The following FMR1 variants were observed in gnomAD, a reference collection of about 807,000 sequenced individuals.
FMR1 encodes the protein fragile X messenger ribonucleoprotein 1, also known as FMRP translational regulator 1.
A neutral mutation model predicts 50.6 loss-of-function variants in FMR1; 13 were observed. The observed-to-expected ratio is 0.26, with a 90% CI of 0.17 to 0.41. The LOEUF (loss-of-function observed/expected upper bound fraction) is 0.41, where lower values mean the gene tolerates loss of function less well. Among genes scored for constraint, FMR1 ranks in the 10% least tolerant of loss-of-function variants. The probability of loss-of-function intolerance (pLI) is 1.00; values close to 1 mark genes in which losing one functional copy is unlikely to be tolerated. For missense variants in FMR1, 316 were observed against 491.3 expected (o/e 0.64, Z 3.37); for synonymous variants, 138 against 164.1 (o/e 0.84, Z 1.22).
intron 2 of FMR1, among the ~76,000 whole-genome samples, chrX:147,924,517 T>TC (rs1569545454): frequency 1.1e-5 from 1 of 93,054 alleles, no homozygotes; most frequent in African/African-American, 4.1e-5. Flanking sequence ...ATATATATAT[T>TC]TTTTTTTTTT....
At chrX:147,939,013 C>G (rs891650331) in intron 12 of FMR1, among the ~76,000 whole-genome samples, 1 of 111,847 alleles carries the variant, frequency 8.9e-6, no homozygotes, top group African/African-American at 3.3e-5. Context: ...TAATTTGCTC[C>G]GAAGTCAATC....
intron 7 of FMR1, among the ~76,000 whole-genome samples, chrX:147,931,504 G>C (rs2043606529): frequency 8.9e-6 from 1 of 111,897 alleles, no homozygotes; most frequent in Non-Finnish European, 1.9e-5. Flanking sequence ...TGAGAAACTA[G>C]TATGCATGCC....
chrX:147,920,908 G>GCATT (rs2043129965), intron 1 of FMR1, among the ~76,000 whole-genome samples: 1 of 112,014 alleles, frequency 8.9e-6, no homozygotes, highest in African/African-American at 3.2e-5. Context: ...AAGTAGTTTA[G>GCATT]CATTGTTGGG....
chrX:147,918,092 G>A (rs1175590801), intron 1 of FMR1, among the ~76,000 whole-genome samples: 2 of 111,381 alleles, frequency 1.8e-5, no homozygotes, highest in Non-Finnish European at 3.8e-5. Context: ...AGTTTTCCAA[G>A]GTGGTGATAG....
intron 1 of FMR1, 123 bp from the exon 2 acceptor site, chrX:147,921,810 C>A: frequency 2.1e-6 from 1 of 485,245 alleles, no homozygotes. Flanking sequence ...CAAAAACTGA[C>A]CTTCATTTGA....
chrX:147,921,474 T>TATATATAGATAGATAG, intron 1 of FMR1, among the ~76,000 whole-genome samples: 1 of 109,792 alleles, frequency 9.1e-6, no homozygotes, highest in South Asian at 3.9e-4. Context: ...TATATATATA[T>TATATATAGATAGATAG]ATAGATAGAT....
rs782412079 is a variant in FMR1, at chrX:147,921,461, GTATA to G, written c.52-459_52-456del. Among the ~76,000 whole-genome samples the G allele has an allele frequency of 8.6e-4, 93 of 107,525 alleles. 1 individual carries two copies. Among genetic ancestry groups the G allele is most frequent in the Non-Finnish European group, 1.2e-3 (63 of 51,986 alleles). 93.4% of individuals were successfully genotyped at this position (107,525 alleles called of 115,157 possible). A position where few individuals can be genotyped will look rare whatever the true frequency, so the allele number is the denominator to read the frequency against. On this transcript the variant is annotated intron_variant, in intron 1 of 16. Transcript: ENST00000370475. ...GAAAGTTTAGTATATTTGTGTGTGC[GTATA>G]TATATATATATAGATAGATAGATAG...
In FMR1 at chrX:147,945,558, A is replaced by G; in HGVS notation, c.1679A>G (p.Asp560Gly). 1 of 1,209,319 alleles carries G rather than the reference A, an allele frequency of 8.3e-7. No individual in the cohort carries two copies. Among genetic ancestry groups the G allele is most frequent in the Non-Finnish European group, 1.1e-6 (1 of 893,015 alleles). Residue 560 changes from aspartate to glycine, a missense_variant, in exon 16 of 17, where the codon GAT becomes GGT. By Grantham distance (94) the Asp-to-Gly change is moderately conservative. Coordinates refer to ENST00000370475, the MANE Select transcript of FMR1 (RefSeq NM_002024.6). ...GGAAACGACGATCACTCCCGAACAG[A>G]TAATCGTCCACGTAATCCAAGAGAG... Reference protein sequence around the residue: ...FKGNDDHSRTDNRPRNPREAK... With the variant: ...FKGNDDHSRTGNRPRNPREAK...
At chrX:147,945,130 A>G in intron 15 of FMR1, 79 bp downstream of exon 15, 1 of 1,149,794 alleles carries the variant, frequency 8.7e-7, no homozygotes. Flanking sequence ...TATTGATGCA[A>G]TGAACTGTTA....
Position 147,929,937 on chromosome X carries a change from T to C in FMR1, c.420-11T>C. 8.7e-7 allele frequency: 1 copy of C among 1,149,404 alleles called. No individual in the cohort carries two copies. Among genetic ancestry groups the C allele is most frequent in the Non-Finnish European group, 1.2e-6 (1 of 844,395 alleles). 94.7% of individuals were successfully genotyped at this position (1,149,404 alleles called of 1,213,427 possible). On this transcript the variant is annotated splice_polypyrimidine_tract_variant and intron_variant, in intron 5 of 16. Coordinates refer to ENST00000370475, the MANE Select transcript of FMR1 (RefSeq NM_002024.6). The stretch of plus-strand genomic sequence containing the variant: ...AATTATTCATCTTAATTTTTTTTTT[T>C]AAATTTCTAGGTGTGCCAAAGAGGC...
intron 14 of FMR1, 185 bp downstream of exon 14, chrX:147,943,511 G>C (rs1286473990): frequency 2.2e-6 from 1 of 449,116 alleles, no homozygotes; most frequent in Non-Finnish European, 3.9e-6. Context: ...AGAGTTCACA[G>C]GGCCGGTGCA....
chrX:147,940,529 A>T (rs1377626625), intron 12 of FMR1, 47 bp from the exon 13 acceptor site: 20 of 822,546 alleles, frequency 2.4e-5, no homozygotes, highest in Non-Finnish European at 3.5e-5. Flanking sequence ...TTTTCAGATT[A>T]ATCTATCATT....
rs782430559 is a variant in FMR1, at chrX:147,949,544, A to AT, written c.*701dup. ...ATGCTTTCCATATTTTTTTCCTTAC[A>AT]TAAACATCAGGTTAGGCAGTATAAA... On this transcript the variant is annotated 3_prime_UTR_variant, in exon 17 of 17. Coordinates refer to ENST00000370475, the MANE Select transcript of FMR1 (RefSeq NM_002024.6). 6 of 329,787 alleles carry AT rather than the reference A, an allele frequency of 1.8e-5. No individual in the cohort carries two copies. Among genetic ancestry groups the AT allele is most frequent in the Non-Finnish European group, 2.9e-5 (5 of 169,962 alleles). 27.2% of individuals were successfully genotyped at this position (329,787 alleles called of 1,213,427 possible). A position where few individuals can be genotyped will look rare whatever the true frequency, so the allele number is the denominator to read the frequency against.
At chrX:147,924,672 T>G (rs1011613505) in intron 2 of FMR1, among the ~76,000 whole-genome samples, 6 of 102,587 alleles carry the variant, frequency 5.8e-5, no homozygotes, top group Non-Finnish European at 9.9e-5. Context: ...CCACTGCACC[T>G]AATTTTTTTT....
intron 5 of FMR1, 101 bp downstream of exon 5, chrX:147,928,908 A>G: frequency 1.1e-6 from 1 of 927,175 alleles, no homozygotes. Flanking sequence ...CTAGAAATTG[A>G]TTTTAAATTT....
At chrX:147,942,571 A>G (rs1363507917) in intron 13 of FMR1, among the ~76,000 whole-genome samples, 1 of 112,316 alleles carries the variant, frequency 8.9e-6, no homozygotes, top group Admixed American at 9.4e-5. Flanking sequence ...AATAGTCAGC[A>G]TTTTCAGTTG....
intron 1 of FMR1, among the ~76,000 whole-genome samples, chrX:147,912,555 C>G (rs1557174099): frequency 8.9e-6 from 1 of 112,974 alleles, no homozygotes; most frequent in Non-Finnish European, 1.9e-5. Context: ...GGGCCGAAAT[C>G]GGCGCTAAGT....
rs781824814 is a variant in FMR1, at chrX:147,938,241, G to T, written c.1188+80G>T. 4.1e-5 allele frequency: 34 copies of T among 828,070 alleles called. No homozygotes were observed. The South Asian group carries it at 6.3e-4, about 15-fold the overall frequency. 68.2% of individuals were successfully genotyped at this position (828,070 alleles called of 1,213,427 possible). A position where few individuals can be genotyped will look rare whatever the true frequency, so the allele number is the denominator to read the frequency against. ...CCCCTTGTTAACAAAGATTACAAAT[G>T]ATCCTCAGGATTAGGGACTGGAGGG... On this transcript the variant is annotated intron_variant, in intron 12 of 16. Coordinates refer to ENST00000370475, the MANE Select transcript of FMR1 (RefSeq NM_002024.6).
chrX:147,936,756 AT>A, intron 10 of FMR1, 143 bp downstream of exon 10: 1 of 478,271 alleles, frequency 2.1e-6, no homozygotes, highest in Non-Finnish European at 3.8e-6. Context: ...TAATGTTATA[AT>A]TGTAGATAAT....
Sources: allele counts gnomAD v4.1 joint callset (sites outside exome capture counted in the v4.1 genomes callset), GRCh38; gene constraint gnomAD v4.1.1; transcripts MANE v1.5; gene names NCBI Gene and HGNC (gene_info 2026-07-23, HGNC 2026-07-21).